The following NPSR1 variants were observed in gnomAD, a reference collection of about 807,000 sequenced individuals.
NPSR1 encodes neuropeptide S receptor 1.
In NPSR1, 48 loss-of-function variants were observed where a neutral mutation model predicts 46.9. The ratio of observed to expected loss-of-function variants is 1.02; its 90% CI spans 0.81 to 1.30. The LOEUF (loss-of-function observed/expected upper bound fraction) is 1.30. Ranked by LOEUF, NPSR1 falls within the 50% of genes most tolerant of loss-of-function variation. NPSR1 has a pLI of 0.00. For synonymous variants in NPSR1, 176 were observed against 168.1 expected (o/e 1.05, Z -0.36); for missense variants, 450 against 449.5 (o/e 1.00, Z -0.01).
intron 8 of NPSR1, among the ~76,000 whole-genome samples, chr7:34,866,198 C>T (rs1226174744): frequency 6.6e-6 from 1 of 151,676 alleles, no homozygotes; most frequent in Non-Finnish European, 1.5e-5. Flanking sequence ...AGGTGGATGC[C>T]GATGGATTGG....
chr7:34,763,322 C>T (rs1386363752), intron 2 of NPSR1, among the ~76,000 whole-genome samples: 2 of 152,072 alleles, frequency 1.3e-5, no homozygotes, highest in Admixed American at 1.3e-4. Flanking sequence ...AATGTGGTTC[C>T]ATCTGCTGTA....
intron 2 of NPSR1, among the ~76,000 whole-genome samples, chr7:34,698,463 T>C (rs1370449758): frequency 6.6e-6 from 1 of 152,052 alleles, no homozygotes; most frequent in Non-Finnish European, 1.5e-5. Flanking sequence ...AAAACAGAGA[T>C]AAAAACCAGA....
intron 3 of NPSR1, among the ~76,000 whole-genome samples, chr7:34,811,564 G>GTC (rs1788987317): frequency 6.6e-6 from 1 of 152,140 alleles, no homozygotes; most frequent in South Asian, 2.1e-4. Context: ...TGAGGGTGGG[G>GTC]TCTTTGCTGG....
At chr7:34,763,066 GACA>G (rs1485039823) in intron 2 of NPSR1, among the ~76,000 whole-genome samples, 2 of 152,208 alleles carry the variant, frequency 1.3e-5, no homozygotes, top group Non-Finnish European at 2.9e-5. Context: ...TGTTTAATTG[GACA>G]ACATTTCTTC....
chr7:34,865,918 G>A (rs1791304274), intron 8 of NPSR1, among the ~76,000 whole-genome samples: 1 of 151,634 alleles, frequency 6.6e-6, no homozygotes, highest in Non-Finnish European at 1.5e-5. Flanking sequence ...CAAATCACCA[G>A]GCTCTTCCTA....
chr7:34,825,187 A>G (rs1789764795), intron 4 of NPSR1, among the ~76,000 whole-genome samples: 1 of 152,168 alleles, frequency 6.6e-6, no homozygotes, highest in Non-Finnish European at 1.5e-5. Context: ...TCAGTATTGC[A>G]TACGCATGCC....
chr7:34,740,043 T>A (rs1784867716), intron 2 of NPSR1, among the ~76,000 whole-genome samples: 1 of 152,106 alleles, frequency 6.6e-6, no homozygotes, highest in Non-Finnish European at 1.5e-5. Flanking sequence ...GGGCTAAGCA[T>A]GTCTGAGCTC....
intron 2 of NPSR1, among the ~76,000 whole-genome samples, chr7:34,708,029 T>G (rs1794196232): frequency 6.6e-6 from 1 of 152,190 alleles, no homozygotes; most frequent in African/African-American, 2.4e-5. Context: ...CACCACCAGT[T>G]ATACTGGATT....
At chr7:34,736,959 C>T (rs1784704859) in intron 2 of NPSR1, among the ~76,000 whole-genome samples, 1 of 152,112 alleles carries the variant, frequency 6.6e-6, no homozygotes, top group South Asian at 2.1e-4. Context: ...AGCAGTATTT[C>T]ATCCTACATC....
At chr7:34,862,354 A>C (rs11979570) in intron 8 of NPSR1, among the ~76,000 whole-genome samples, 42,251 of 151,490 alleles carry the variant, frequency 0.28, 6,491 homozygotes, top group Middle Eastern at 0.35. Context: ...AGAGTCCCAG[A>C]ATCAGCCCTG....
intron 2 of NPSR1, among the ~76,000 whole-genome samples, chr7:34,706,331 C>G (rs1187085121): frequency 6.6e-6 from 1 of 150,918 alleles, no homozygotes; most frequent in African/African-American, 2.5e-5. Flanking sequence ...AGATTACTTA[C>G]CATTTATTTT....
intron 2 of NPSR1, among the ~76,000 whole-genome samples, chr7:34,691,595 C>A (rs1793262017): frequency 6.6e-6 from 1 of 151,898 alleles, no homozygotes; most frequent in Admixed American, 6.6e-5. Flanking sequence ...CATCAAACCA[C>A]CAACAATAAA....
intron 8 of NPSR1, among the ~76,000 whole-genome samples, chr7:34,868,317 ACT>A (rs1328517367): frequency 1.3e-5 from 2 of 150,996 alleles, no homozygotes; most frequent in Non-Finnish European, 2.9e-5. Flanking sequence ...ACCACACAAC[ACT>A]CTGTTACTCC....
rs371802016 is a variant in NPSR1, at chr7:34,834,486, A to G, written c.757+26A>G. 17 of 1,527,312 alleles carry G rather than the reference A, an allele frequency of 1.1e-5. No homozygotes were observed. The Admixed American group carries it at 1.8e-4, about 17-fold the overall frequency. The allele number at this position is 1,527,312 out of a possible 1,614,324, so 94.6% of individuals were successfully genotyped here. On this transcript the variant is annotated intron_variant, in intron 6 of 8. Transcript: ENST00000360581. The stretch of plus-strand genomic sequence containing the variant: ...GTAAGTCTCTACTCTGCATGGCCCA[A>G]TTCTTGGCTAATTTGCTTCTCCAGA...
intron 2 of NPSR1, among the ~76,000 whole-genome samples, chr7:34,716,443 G>A (rs1006667307): frequency 2.0e-5 from 3 of 152,186 alleles, no homozygotes; most frequent in Non-Finnish European, 2.9e-5. Flanking sequence ...AAGACACAGA[G>A]TTTCTGGTTC....
chr7:34,846,478 AG>A (rs1419912765), intron 7 of NPSR1, among the ~76,000 whole-genome samples: 2 of 152,226 alleles, frequency 1.3e-5, no homozygotes, highest in Non-Finnish European at 2.9e-5. Context: ...AATATAAAAG[AG>A]GAATAAGAAA....
chr7:34,738,293 A>T (rs1784777942), intron 2 of NPSR1, among the ~76,000 whole-genome samples: 1 of 152,210 alleles, frequency 6.6e-6, no homozygotes, highest in Non-Finnish European at 1.5e-5. Flanking sequence ...TGCCTGGTGG[A>T]ATTCACAGGT....
intron 8 of NPSR1, among the ~76,000 whole-genome samples, chr7:34,865,375 C>A (rs565506269): frequency 6.6e-6 from 1 of 151,794 alleles, no homozygotes; most frequent in South Asian, 2.1e-4. Context: ...GCGGAAGAAA[C>A]TTCTGACCCT....
intron 2 of NPSR1, among the ~76,000 whole-genome samples, chr7:34,732,079 CAAAA>C (rs535991989): frequency 0.067 from 6,237 of 93,754 alleles, 127 homozygotes; most frequent in African/African-American, 0.094. Flanking sequence ...GACTTCATCT[CAAAA>C]AAAAAAAAAA....
Sources: allele counts gnomAD v4.1 joint callset (sites outside exome capture counted in the v4.1 genomes callset), GRCh38; gene constraint gnomAD v4.1.1; transcripts MANE v1.5; gene names NCBI Gene and HGNC (gene_info 2026-07-23, HGNC 2026-07-21).